RDX: variants seen among roughly 807,000 people sequenced by gnomAD.
The protein encoded by RDX is deafness, autosomal recessive 24.
A neutral mutation model predicts 83.7 loss-of-function variants in RDX; 32 were observed. The observed-to-expected ratio is 0.38, with a 90% CI of 0.29 to 0.51. RDX has a LOEUF of 0.51. Among genes scored for constraint, RDX ranks in the 20% least tolerant of loss-of-function variants. The pLI, the probability that RDX is intolerant of heterozygous loss-of-function variation, is 0.87. For synonymous variants in RDX, 229 were observed against 222.7 expected (o/e 1.03, Z -0.25); for missense variants, 600 against 689.9 (o/e 0.87, Z 1.46).
chr11:110,279,560 A>T, intron 2 of RDX, 121 bp downstream of exon 2: 1 of 708,522 alleles, frequency 1.4e-6, no homozygotes. Flanking sequence ...AAAGAGAAAT[A>T]ACAGTAGTAT....
intron 10 of RDX, among the ~76,000 whole-genome samples, chr11:110,241,565 G>A (rs1371149869): frequency 6.6e-6 from 1 of 152,102 alleles, no homozygotes; most frequent in African/African-American, 2.4e-5. Flanking sequence ...CCAAAGTGCT[G>A]GGATTACAGG....
downstream of RDX, among the ~76,000 whole-genome samples, chr11:110,229,078 C>G (rs1318481387): frequency 6.6e-6 from 1 of 151,896 alleles, no homozygotes; most frequent in African/African-American, 2.4e-5. Flanking sequence ...CATAAATATA[C>G]TTAGCATACA....
At chr11:110,175,801 AAACTCTGGAGGAGATTT>A (rs1223225179) in intron 15 of RDX, among the ~76,000 whole-genome samples, 3 of 152,272 alleles carry the variant, frequency 2.0e-5, no homozygotes, top group African/African-American at 7.2e-5. Context: ...GCTATTCAGT[AAACTCTGGAGGAGATTT>A]ATGGGTTTGC....
chr11:110,267,193 C>T (rs961119079), intron 3 of RDX, among the ~76,000 whole-genome samples: 12 of 152,138 alleles, frequency 7.9e-5, no homozygotes, highest in African/African-American at 1.2e-4. Context: ...CATGAGCCAT[C>T]GTGCCCAGCC....
chr11:110,292,718 C>T (rs1861295660), intron 1 of RDX, among the ~76,000 whole-genome samples: 2 of 151,600 alleles, frequency 1.3e-5, no homozygotes, highest in South Asian at 4.2e-4. Context: ...GAAAACAGTC[C>T]ATTATCTCAA....
intron 10 of RDX, among the ~76,000 whole-genome samples, chr11:110,244,192 T>C (rs1235230027): frequency 6.6e-6 from 1 of 151,346 alleles, no homozygotes; most frequent in African/African-American, 2.4e-5. Flanking sequence ...CGAAACCCCG[T>C]CTCTACTAAA....
At chr11:110,296,233 C>A (rs568387871) in intron 1 of RDX, among the ~76,000 whole-genome samples, 76 of 152,192 alleles carry the variant, frequency 5.0e-4, no homozygotes, top group African/African-American at 1.8e-3. Context: ...GGCCGCGGCT[C>A]AGCCACGACT....
chr11:110,181,274 T>G (rs1387760662), intron 15 of RDX, among the ~76,000 whole-genome samples: 4 of 151,918 alleles, frequency 2.6e-5, no homozygotes, highest in African/African-American at 7.3e-5. Context: ...ACAATTCTCC[T>G]GCCTCAGCCT....
In RDX at chr11:110,233,318, A is replaced by C; in HGVS notation, c.1506T>G (p.Asn502Lys). The C allele has an allele frequency of 6.2e-7, 1 of 1,614,042 alleles. No homozygotes were observed. The highest frequency in any genetic ancestry group is 8.5e-7 in the Non-Finnish European group (1 of 1,180,006). Residue 502 changes from asparagine to lysine, a missense_variant, in exon 13 of 14, where the codon AAT (asparagine) becomes AAG (lysine). Physicochemically the swap from Asn to Lys is moderately conservative, Grantham distance 94. Coordinates refer to ENST00000645495, the MANE Select transcript of RDX (RefSeq NM_002906.4). ...CGCTTCTATGGTTCATTACCCCTTC[A>C]TTTGATAATTCAGCACTAGCTTCAG... ...NNAEASAELS[N>K]EGVMNHRSEE...
At chr11:110,255,816 A>G (rs1591156676) in intron 7 of RDX, among the ~76,000 whole-genome samples, 1 of 152,162 alleles carries the variant, frequency 6.6e-6, no homozygotes, top group East Asian at 1.9e-4. Flanking sequence ...ACTGCAAATA[A>G]AAAAACAGTA....
In RDX at chr11:110,186,017, C is replaced by T. The variant is rs73553540; in HGVS notation, c.*32-10783G>A. On this transcript the variant is annotated intron_variant, in intron 15 of 15. Coordinates refer to the RDX transcript ENST00000528498. Reference sequence around the variant, plus strand: ...AGGAGGGAAGCCCCCCAAACCAATGCATTTCCTAAGTATTAGTGACTAGCT... The same window carrying T: ...AGGAGGGAAGCCCCCCAAACCAATGTATTTCCTAAGTATTAGTGACTAGCT... Among the ~76,000 whole-genome samples, 296 of 152,358 alleles carry T rather than the reference C, an allele frequency of 1.9e-3. 1 individual carries two copies. The highest frequency in any genetic ancestry group is 6.9e-3 in the African/African-American group (285 of 41,582).
chr11:110,253,315 T>G (rs1300014884), intron 9 of RDX, among the ~76,000 whole-genome samples: 2 of 152,192 alleles, frequency 1.3e-5, no homozygotes, highest in Non-Finnish European at 2.9e-5. Flanking sequence ...TAGTTTGGTC[T>G]CTAAATTTTT....
intron 1 of RDX, among the ~76,000 whole-genome samples, chr11:110,296,261 C>T (rs1861454924): frequency 6.6e-6 from 1 of 152,058 alleles, no homozygotes; most frequent in African/African-American, 2.4e-5. Flanking sequence ...GGCCTCGCGG[C>T]CCCTACCAGC....
In RDX at chr11:110,258,251, A is replaced by C. The variant is rs957453875; in HGVS notation, c.468-62T>G. ...TTTAAGATTCAAAAGCATACACTTT[A>C]AAAGTAAAGAATCCTTTCAGTAACT... On this transcript the variant is annotated intron_variant, in intron 5 of 13. Transcript: ENST00000645495. 9.3e-6 allele frequency: 10 copies of C among 1,081,016 alleles called. No homozygotes were observed. The Admixed American group carries it at 1.6e-4, about 17-fold the overall frequency. 67.0% of individuals were successfully genotyped at this position (1,081,016 alleles called of 1,614,324 possible). A position where few individuals can be genotyped will look rare whatever the true frequency, so the allele number is the denominator to read the frequency against.
intron 5 of RDX, among the ~76,000 whole-genome samples, chr11:110,260,008 CAG>C (rs1491015177): frequency 6.7e-6 from 1 of 150,246 alleles, no homozygotes; most frequent in African/African-American, 2.4e-5. Context: ...TTTCTTTAGA[CAG>C]AGTTTCGCTC....
rs6589121 is a variant in RDX, at chr11:110,236,021, C to T, written c.1344+78G>A. ...CACTCTAAATTATGACAGTATCTTA[C>T]ACTTATCACTACAAAGTCAGCATAA... On this transcript the variant is annotated intron_variant, in intron 12 of 13. Transcript: ENST00000645495. The T allele has an allele frequency of 1, 977,114 of 978,766 alleles. 487,745 individuals are homozygous for T. Among genetic ancestry groups the T allele is most frequent in the East Asian group, 1 (41,730 of 41,730 alleles). 60.6% of individuals were successfully genotyped at this position (978,766 alleles called of 1,614,324 possible).
intron 3 of RDX, among the ~76,000 whole-genome samples, chr11:110,266,817 G>GC (rs1416266863): frequency 6.6e-6 from 1 of 152,026 alleles, no homozygotes; most frequent in Non-Finnish European, 1.5e-5. Flanking sequence ...TAAACTCCTG[G>GC]CCTCAAGTGA....
intron 5 of RDX, among the ~76,000 whole-genome samples, chr11:110,259,044 C>T (rs1859682875): frequency 6.6e-6 from 1 of 151,814 alleles, no homozygotes. Context: ...CGGCCTCCCG[C>T]GTAGCTGGGA....
intron 14 of RDX, chr11:110,200,142 C>A (rs1225227973): frequency 6.2e-6 from 1 of 162,294 alleles, no homozygotes; most frequent in Admixed American, 5.8e-5. Context: ...CAGGTAGCAA[C>A]CAGACTAATG....
Sources: gnomAD v4.1 joint callset for allele counts (sites outside exome capture counted in the v4.1 genomes callset) on GRCh38, gnomAD v4.1.1 for gene constraint, MANE v1.5 for transcripts, NCBI Gene and HGNC (gene_info 2026-07-23, HGNC 2026-07-21) for gene names.